Variants in UQCC5 observed in about 807,000 individuals in gnomAD.
UQCC5 encodes UPF0640 protein C3orf78.
the UQCC5 span, among the ~76,000 whole-genome samples, chr3:52,539,306 GAAC>G: frequency 1.3e-5 from 2 of 152,202 alleles, no homozygotes; most frequent in Non-Finnish European, 2.9e-5. Context: ...CCAGGAGAGA[GAAC>G]AAGAAGCGGC....
chr3:52,540,259 T>C, the UQCC5 span, among the ~76,000 whole-genome samples: 1 of 152,260 alleles, frequency 6.6e-6, no homozygotes, highest in African/African-American at 2.4e-5. Context: ...ATCATAGTCC[T>C]CATCTAACTC....
chr3:52,537,663 A>G, the UQCC5 span, among the ~76,000 whole-genome samples: 1 of 152,120 alleles, frequency 6.6e-6, no homozygotes, highest in Non-Finnish European at 1.5e-5. Context: ...GGTGTCCCTT[A>G]CCCCAGAAGA....
chr3:52,537,516 G>A, the UQCC5 span, among the ~76,000 whole-genome samples: 1 of 152,146 alleles, frequency 6.6e-6, no homozygotes, highest in African/African-American at 2.4e-5. Context: ...CTCCTGAAAC[G>A]CTATCACTTG....
the UQCC5 span, among the ~76,000 whole-genome samples, chr3:52,537,153 T>G: frequency 6.6e-6 from 1 of 152,194 alleles, no homozygotes; most frequent in Non-Finnish European, 1.5e-5. Context: ...AGCCCTCTCA[T>G]GCCTGCCCTT....
At chr3:52,538,463 A>T in the UQCC5 span, among the ~76,000 whole-genome samples, 1 of 152,072 alleles carries the variant, frequency 6.6e-6, no homozygotes. Context: ...ATTTTAATTT[A>T]ATTTATTTAT....
the UQCC5 span, among the ~76,000 whole-genome samples, chr3:52,539,698 G>T: frequency 6.6e-6 from 1 of 151,370 alleles, no homozygotes; most frequent in Non-Finnish European, 1.5e-5. Flanking sequence ...GAGTGTGGTG[G>T]CACGATCTTG....
the UQCC5 span, among the ~76,000 whole-genome samples, chr3:52,539,309 C>G: frequency 1.3e-5 from 2 of 152,152 alleles, no homozygotes; most frequent in Non-Finnish European, 2.9e-5. Context: ...GGAGAGAGAA[C>G]AAGAAGCGGC....
At chr3:52,541,856 G>T in the UQCC5 span, 1 of 152,100 alleles carries the variant, frequency 6.6e-6, no homozygotes. Flanking sequence ...CTTTTACAAA[G>T]AATAATAGTA....
chr3:52,541,759 T>TTAATTATA, the UQCC5 span: 1 of 152,210 alleles, frequency 6.6e-6, no homozygotes, highest in Non-Finnish European at 1.5e-5. Flanking sequence ...AGTATGATTC[T>TTAATTATA]CAATTATATG....
the UQCC5 span, chr3:52,536,996 G>C: frequency 6.7e-7 from 1 of 1,493,986 alleles, no homozygotes; most frequent in Admixed American, 2.0e-5. Context: ...TCAGATTGCA[G>C]ACCGCGCATT....
At chr3:52,536,610 T>C in the UQCC5 span, 9 of 1,456,004 alleles carry the variant, frequency 6.2e-6, no homozygotes, top group African/African-American at 1.4e-5. Context: ...CCGGCACTCG[T>C]GCGCCTACCA....
chr3:52,536,956 G>C, the UQCC5 span: 1 of 1,546,356 alleles, frequency 6.5e-7, no homozygotes, highest in Non-Finnish European at 8.7e-7. Flanking sequence ...GGCACGAGGC[G>C]GTAGGGATCC....
At chr3:52,536,799 C>T in the UQCC5 span, 7 of 1,551,642 alleles carry the variant, frequency 4.5e-6, no homozygotes, top group Non-Finnish European at 5.2e-6. Context: ...CAGCGGGTGC[C>T]CGGGAAGCAG....
the UQCC5 span, chr3:52,541,380 G>C: frequency 6.6e-6 from 1 of 152,172 alleles, no homozygotes; most frequent in Non-Finnish European, 1.5e-5. Context: ...TCTAACTATT[G>C]CATGAGAATA....
chr3:52,536,999 C>T, the UQCC5 span: 2 of 1,481,638 alleles, frequency 1.3e-6, no homozygotes, highest in East Asian at 2.5e-5. Flanking sequence ...GATTGCAGAC[C>T]GCGCATTCCA....
At chr3:52,538,210 A>AT in the UQCC5 span, among the ~76,000 whole-genome samples, 1 of 152,204 alleles carries the variant, frequency 6.6e-6, no homozygotes, top group Non-Finnish European at 1.5e-5. Flanking sequence ...TAGTACTGAC[A>AT]GGGCATGGTG....
At chr3:52,540,428 T>C in the UQCC5 span, 2 of 1,525,474 alleles carry the variant, frequency 1.3e-6, no homozygotes, top group East Asian at 2.5e-5. Flanking sequence ...ATACAGATGA[T>C]GTCTACCGTA....
chr3:52,536,957 G>A, the UQCC5 span: 1 of 1,545,936 alleles, frequency 6.5e-7, no homozygotes, highest in Non-Finnish European at 8.7e-7. Context: ...GCACGAGGCG[G>A]TAGGGATCCG....
chr3:52,541,671 A>C, the UQCC5 span: 1 of 152,188 alleles, frequency 6.6e-6, no homozygotes, highest in Non-Finnish European at 1.5e-5. Context: ...TCTCATGCCC[A>C]GTTGTGTCAT....
Sources: allele counts gnomAD v4.1 joint callset (sites outside exome capture counted in the v4.1 genomes callset), GRCh38; gene constraint gnomAD v4.1.1; transcripts MANE v1.5; gene names NCBI Gene and HGNC (gene_info 2026-07-23, HGNC 2026-07-21).